FRMD4A: variants seen among roughly 807,000 people sequenced by gnomAD.
FRMD4A encodes the protein FERM domain containing 4A, also known as FERM domain-containing protein 4A.
In FRMD4A, 29 loss-of-function variants were observed where a neutral mutation model predicts 129.1. The ratio of observed to expected loss-of-function variants is 0.22; its 90% CI spans 0.17 to 0.31. The LOEUF (loss-of-function observed/expected upper bound fraction) is 0.31, where lower values mean the gene tolerates loss of function less well. FRMD4A is among the 10% of genes least tolerant of loss of function. FRMD4A has a pLI of 1.00. For synonymous variants in FRMD4A, 634 were observed against 571.6 expected (o/e 1.11, Z -1.56); for missense variants, 1,272 against 1,375.8 (o/e 0.92, Z 1.19).
intron 2 of FRMD4A, among the ~76,000 whole-genome samples, chr10:14,054,330 C>A (rs1252731905): frequency 1.3e-5 from 2 of 152,128 alleles, no homozygotes; most frequent in Non-Finnish European, 2.9e-5. Context: ...ACCTCCCCTG[C>A]CCCAGCACTG....
intron 6 of FRMD4A, among the ~76,000 whole-genome samples, chr10:13,775,411 G>A (rs989088688): frequency 7.2e-5 from 11 of 152,268 alleles, no homozygotes; most frequent in Non-Finnish European, 1.5e-4. Flanking sequence ...AACGCCTTTG[G>A]TATTCTGAGA....
intron 2 of FRMD4A, among the ~76,000 whole-genome samples, chr10:14,043,018 C>G (rs756659785): frequency 1.3e-5 from 2 of 149,130 alleles, no homozygotes; most frequent in Non-Finnish European, 3.0e-5. Flanking sequence ...TCAACCTGTA[C>G]AATCCTCATG....
intron 6 of FRMD4A, among the ~76,000 whole-genome samples, chr10:13,778,047 C>T (rs1389063633): frequency 6.6e-6 from 1 of 151,958 alleles, no homozygotes; most frequent in Non-Finnish European, 1.5e-5. Context: ...TTGATCCACC[C>T]GCCTCTGCCT....
rs2081963673 is a variant in FRMD4A, at chr10:13,654,442, G to A, written c.3024C>T (p.Pro1008=). 1.2e-6 allele frequency: 2 copies of A among 1,612,842 alleles called. No homozygotes were observed. Among genetic ancestry groups the A allele is most frequent in the Non-Finnish European group, 1.7e-6 (2 of 1,178,796 alleles). Residue 1008 remains proline (P), a synonymous_variant, in exon 23 of 25, where the codon CCC becomes CCT. Transcript: ENST00000357447. ...CAGTCTGCCAGGTTAGGATGTGGTGGGGGCTGCTTGGGGGGGTGGCTCCAA... is the reference window on the plus strand; with the variant it reads ...CAGTCTGCCAGGTTAGGATGTGGTGAGGGCTGCTTGGGGGGGTGGCTCCAA... ...SEIGATPPSS[P]HHILTWQTGE...
chr10:14,201,226 C>T (rs1188251001), intron 2 of FRMD4A, among the ~76,000 whole-genome samples: 5 of 152,220 alleles, frequency 3.3e-5, no homozygotes, highest in South Asian at 2.1e-4. Flanking sequence ...TCCTCTTGCT[C>T]GCCAGTCCTT....
intron 2 of FRMD4A, among the ~76,000 whole-genome samples, chr10:14,132,439 C>T (rs768982919): frequency 1.3e-5 from 2 of 152,172 alleles, no homozygotes; most frequent in African/African-American, 4.8e-5. Flanking sequence ...GGGGAGGCTG[C>T]CTGGGGTCTC....
In FRMD4A at chr10:14,213,285, C is replaced by T. The variant is rs532283757; in HGVS notation, c.45+116773G>A. On this transcript the variant is annotated intron_variant, in intron 2 of 24. Coordinates refer to ENST00000357447, the MANE Select transcript of FRMD4A (RefSeq NM_018027.5). ...TAAACAAATAAATAAATACAGGGTA[C>T]ATCAGAACCTTCATGGTTGAAATGA... Among the ~76,000 whole-genome samples the T allele has an allele frequency of 3.4e-4, 52 of 152,224 alleles. 2 individuals carry two copies. The South Asian group carries it at 0.01, about 30-fold the overall frequency.
intron 2 of FRMD4A, among the ~76,000 whole-genome samples, chr10:14,078,377 G>A (rs1835732688): frequency 6.6e-6 from 1 of 152,188 alleles, no homozygotes; most frequent in Non-Finnish European, 1.5e-5. Flanking sequence ...CAGGCTCAAG[G>A]CTATTGGGAA....
At chr10:13,893,527 T>A (rs1589192368) in intron 2 of FRMD4A, among the ~76,000 whole-genome samples, 1 of 152,122 alleles carries the variant, frequency 6.6e-6, no homozygotes. Context: ...TACAACATTT[T>A]TTTTTCTTTT....
intron 2 of FRMD4A, among the ~76,000 whole-genome samples, chr10:13,945,617 C>T (rs1036088443): frequency 6.6e-6 from 1 of 152,146 alleles, no homozygotes; most frequent in Non-Finnish European, 1.5e-5. Flanking sequence ...CCAGGCAGGG[C>T]TCTGCAGAGG....
intron 2 of FRMD4A, among the ~76,000 whole-genome samples, chr10:14,220,522 A>G (rs909561575): frequency 6.6e-6 from 1 of 152,128 alleles, no homozygotes; most frequent in Non-Finnish European, 1.5e-5. Context: ...CAATAATTGA[A>G]TTTTTTGTAT....
At chr10:14,084,715 C>G (rs1836156284) in intron 2 of FRMD4A, among the ~76,000 whole-genome samples, 1 of 152,170 alleles carries the variant, frequency 6.6e-6, no homozygotes, top group Non-Finnish European at 1.5e-5. Context: ...CGCCCCAGGG[C>G]CAGCTACCAG....
At chr10:14,035,232 G>A (rs1379686124) in intron 2 of FRMD4A, among the ~76,000 whole-genome samples, 1 of 151,934 alleles carries the variant, frequency 6.6e-6, no homozygotes, top group Non-Finnish European at 1.5e-5. Flanking sequence ...GGCCAACAAG[G>A]TGAAACCCTG....
At chr10:14,185,536 A>G (rs1475844755) in intron 2 of FRMD4A, among the ~76,000 whole-genome samples, 1 of 151,420 alleles carries the variant, frequency 6.6e-6, no homozygotes, top group Non-Finnish European at 1.5e-5. Context: ...GAACTATGGA[A>G]ACTTGAAACA....
chr10:14,261,809 C>T (rs867305432), intron 2 of FRMD4A, among the ~76,000 whole-genome samples: 33 of 152,000 alleles, frequency 2.2e-4, no homozygotes, highest in African/African-American at 7.5e-4. Flanking sequence ...CTAACACTAA[C>T]GTAGAAACTG....
chr10:13,665,108 G>A (rs942556595), intron 18 of FRMD4A, among the ~76,000 whole-genome samples: 50 of 152,108 alleles, frequency 3.3e-4, no homozygotes, highest in Non-Finnish European at 5.6e-4. Flanking sequence ...CCGACCTCAG[G>A]TGATCCGCCC....
chr10:14,165,138 C>T (rs1426038750), intron 2 of FRMD4A, among the ~76,000 whole-genome samples: 2 of 152,066 alleles, frequency 1.3e-5, no homozygotes, highest in Non-Finnish European at 2.9e-5. Flanking sequence ...ATCCAGAATC[C>T]ATAAAGGACT....
intron 12 of FRMD4A, among the ~76,000 whole-genome samples, chr10:13,725,167 G>A (rs377740895): frequency 2.0e-5 from 3 of 152,096 alleles, no homozygotes; most frequent in East Asian, 1.9e-4. Flanking sequence ...CAGGATTCCC[G>A]ATCATCTCAT....
At chr10:13,740,291 T>C in intron 10 of FRMD4A, 40 bp from the exon 11 acceptor site, 6 of 1,386,992 alleles carry the variant, frequency 4.3e-6, no homozygotes, top group Non-Finnish European at 5.1e-6. Flanking sequence ...ACACACACAA[T>C]GCGCAAAAGG....
Sources: gnomAD v4.1 joint callset for allele counts (sites outside exome capture counted in the v4.1 genomes callset) on GRCh38, gnomAD v4.1.1 for gene constraint, MANE v1.5 for transcripts, NCBI Gene and HGNC (gene_info 2026-07-23, HGNC 2026-07-21) for gene names.